Variants in DOK6 observed in about 807,000 individuals in gnomAD.
DOK6 encodes the protein downstream of tyrosine kinase 6.
Under a neutral mutation model 44.0 loss-of-function variants are expected in DOK6, and 22 were observed. That is an observed-to-expected ratio of 0.50 (90% CI 0.36 to 0.71). The LOEUF is 0.71. Ranked by LOEUF, DOK6 falls within the 30% of genes least tolerant of loss-of-function variation. The pLI is 0.00. For missense variants in DOK6, 340 were observed against 416.4 expected (o/e 0.82, Z 1.60); for synonymous variants, 166 against 145.5 (o/e 1.14, Z -1.01).
intron 1 of DOK6, among the ~76,000 whole-genome samples, chr18:69,510,743 A>G (rs943221642): frequency 1.3e-5 from 2 of 152,208 alleles, no homozygotes; most frequent in Admixed American, 6.5e-5. Flanking sequence ...TTAGTCAATC[A>G]TTTGGAAAAA....
At chr18:69,713,063 G>A (rs1025748780) in intron 5 of DOK6, among the ~76,000 whole-genome samples, 7 of 152,140 alleles carry the variant, frequency 4.6e-5, no homozygotes, top group Non-Finnish European at 1.0e-4. Context: ...AAGGGTATCC[G>A]TTACTCTCTC....
At chr18:69,804,943 C>T (rs1290433982) in intron 7 of DOK6, among the ~76,000 whole-genome samples, 2 of 152,088 alleles carry the variant, frequency 1.3e-5, no homozygotes, top group Non-Finnish European at 2.9e-5. Flanking sequence ...GGATAAATAA[C>T]GTACGAAGGA....
intron 6 of DOK6, among the ~76,000 whole-genome samples, chr18:69,749,523 A>G (rs1298623017): frequency 6.6e-6 from 1 of 152,186 alleles, no homozygotes; most frequent in Non-Finnish European, 1.5e-5. Context: ...TCCACAGGAT[A>G]TATGTTCTTA....
intron 2 of DOK6, among the ~76,000 whole-genome samples, chr18:69,583,576 G>C (rs1300492697): frequency 6.6e-6 from 1 of 152,004 alleles, no homozygotes; most frequent in Admixed American, 6.6e-5. Flanking sequence ...GGGTTGAGCT[G>C]CTGTAGTTTA....
At chr18:69,554,579 G>C (rs1276046252) in intron 1 of DOK6, among the ~76,000 whole-genome samples, 1 of 152,108 alleles carries the variant, frequency 6.6e-6, no homozygotes, top group African/African-American at 2.4e-5. Context: ...CTGCATTTGA[G>C]ACTTATGTGA....
At chr18:69,607,574 A>G (rs1984032761) in intron 3 of DOK6, among the ~76,000 whole-genome samples, 2 of 152,306 alleles carry the variant, frequency 1.3e-5, no homozygotes, top group Admixed American at 1.3e-4. Flanking sequence ...TTAATACTGC[A>G]TTTTAATATA....
intron 2 of DOK6, among the ~76,000 whole-genome samples, chr18:69,569,971 A>T (rs900987332): frequency 1.3e-5 from 2 of 152,150 alleles, no homozygotes; most frequent in Non-Finnish European, 2.9e-5. Context: ...GTTCTCACTT[A>T]TAAGTGAGAG....
At chr18:69,448,518 T>C (rs1366357462) in intron 1 of DOK6, among the ~76,000 whole-genome samples, 1 of 152,074 alleles carries the variant, frequency 6.6e-6, no homozygotes, top group African/African-American at 2.4e-5. Flanking sequence ...ATTACAGGCA[T>C]GCACCACCAT....
chr18:69,772,138 C>G (rs1450497352), intron 7 of DOK6, among the ~76,000 whole-genome samples: 1 of 151,476 alleles, frequency 6.6e-6, no homozygotes, highest in Non-Finnish European at 1.5e-5. Context: ...CCATTGCACT[C>G]GAGTCTGGGT....
At chr18:69,795,179 T>G (rs1209309507) in intron 7 of DOK6, among the ~76,000 whole-genome samples, 1 of 152,126 alleles carries the variant, frequency 6.6e-6, no homozygotes, top group Non-Finnish European at 1.5e-5. Context: ...TCCATTATTC[T>G]TGGAGTTCGG....
At chr18:69,755,692 A>AACGTGCATAGCTCT (rs1979332682) in intron 6 of DOK6, among the ~76,000 whole-genome samples, 1 of 152,218 alleles carries the variant, frequency 6.6e-6, no homozygotes, top group Non-Finnish European at 1.5e-5. Context: ...GCACGTTTTT[A>AACGTGCATAGCTCT]ACGTGCATAG....
intron 1 of DOK6, among the ~76,000 whole-genome samples, chr18:69,516,098 C>T (rs1981514121): frequency 6.6e-6 from 1 of 152,200 alleles, no homozygotes; most frequent in African/African-American, 2.4e-5. Context: ...ATACTGAAAG[C>T]AGGGACCTTG....
intron 5 of DOK6, among the ~76,000 whole-genome samples, chr18:69,700,271 G>C (rs1986490224): frequency 7.0e-6 from 1 of 142,928 alleles, no homozygotes; most frequent in South Asian, 2.2e-4. Flanking sequence ...GTCGGGGTTG[G>C]GGTTTTGTTT....
At chr18:69,514,317 C>G (rs909486820) in intron 1 of DOK6, among the ~76,000 whole-genome samples, 1 of 152,106 alleles carries the variant, frequency 6.6e-6, no homozygotes, top group African/African-American at 2.4e-5. Context: ...TTTAAGAACA[C>G]TTTTCTCCTT....
intron 1 of DOK6, among the ~76,000 whole-genome samples, chr18:69,477,918 TG>T (rs1300654906): frequency 6.6e-6 from 1 of 152,226 alleles, no homozygotes; most frequent in Non-Finnish European, 1.5e-5. Flanking sequence ...CCTTTAGCTT[TG>T]ATCTCATTTA....
intron 7 of DOK6, chr18:69,832,860 A>G (rs2145133789): frequency 6.6e-6 from 1 of 152,294 alleles, no homozygotes; most frequent in African/African-American, 2.4e-5. Flanking sequence ...TAACCAGAGA[A>G]GTGAACATCT....
chr18:69,563,300 G>T (rs924917812), intron 1 of DOK6, among the ~76,000 whole-genome samples: 1 of 151,974 alleles, frequency 6.6e-6, no homozygotes, highest in African/African-American at 2.4e-5. Context: ...CCCATTGCTG[G>T]GTATATACCC....
rs559984911 is a variant in DOK6 at position 69,706,030 on chromosome 18, G to A, written c.599+7437G>A. Among the ~76,000 whole-genome samples the A allele has an allele frequency of 1.4e-4, 22 of 152,188 alleles. No individual in the cohort carries two copies. The South Asian group carries it at 4.6e-3, about 32-fold the overall frequency. On this transcript the variant is annotated intron_variant, in intron 5 of 7. Transcript: ENST00000382713. Reference sequence around the variant, plus strand: ...AACTCAATACATGCAGGTTCTCAAGGTAAACAATTACTGGTCTCAAGCGAG... The same window carrying A: ...AACTCAATACATGCAGGTTCTCAAGATAAACAATTACTGGTCTCAAGCGAG...
rs551143608 is a variant in DOK6, at chr18:69,831,506, G to T, written c.857-9738G>T. 2.0e-5 allele frequency among the ~76,000 whole-genome samples: 3 copies of T among 152,228 alleles called. No individual in the cohort carries two copies. The East Asian group carries it at 5.8e-4, about 29-fold the overall frequency. On this transcript the variant is annotated intron_variant, in intron 7 of 7. Transcript: ENST00000382713. ...GTTGATATGAGGATTTTTAAAATAT[G>T]ATTTCTAAGGTACTTAGCACTGGAT... is the stretch of plus-strand genomic sequence containing the variant.
Sources: gnomAD v4.1 joint callset for allele counts (sites outside exome capture counted in the v4.1 genomes callset) on GRCh38, gnomAD v4.1.1 for gene constraint, MANE v1.5 for transcripts, NCBI Gene and HGNC (gene_info 2026-07-23, HGNC 2026-07-21) for gene names.